AKAP13: variants seen among roughly 807,000 people sequenced by gnomAD.
AKAP13 encodes A-kinase anchor protein 13.
Under a neutral mutation model 264.5 loss-of-function variants are expected in AKAP13, and 80 were observed. That is an observed-to-expected ratio of 0.30 (90% CI 0.25 to 0.36). The LOEUF is 0.36. AKAP13 is among the 10% of genes least tolerant of loss of function. The pLI, the probability that AKAP13 is intolerant of heterozygous loss-of-function variation, is 1.00. For synonymous variants in AKAP13, 1,380 were observed against 1,250.2 expected (o/e 1.10, Z -2.19); for missense variants, 3,712 against 3,435.2 (o/e 1.08, Z -2.01).
intron 12 of AKAP13, among the ~76,000 whole-genome samples, chr15:85,663,910 C>G (rs1228696535): frequency 6.6e-6 from 1 of 152,188 alleles, no homozygotes; most frequent in Non-Finnish European, 1.5e-5. Flanking sequence ...TACTCTTAGA[C>G]CAGGTTGCTT....
intron 34 of AKAP13, 165 bp downstream of exon 34, chr15:85,740,437 C>G (rs2088867888): frequency 1.4e-6 from 1 of 697,656 alleles, no homozygotes; most frequent in Non-Finnish European, 2.3e-6. Context: ...CAGAATGCAT[C>G]GACCTTCCAG....
At chr15:85,616,356 T>G (rs1364835744) in intron 8 of AKAP13, among the ~76,000 whole-genome samples, 1 of 152,220 alleles carries the variant, frequency 6.6e-6, no homozygotes, top group Admixed American at 6.5e-5. Flanking sequence ...AAAATTTAAT[T>G]CATGAACACA....
rs755069564 is a variant in AKAP13 at position 85,543,810 on chromosome 15, C to T, written c.517C>T (p.Arg173Trp). Residue 173 changes from arginine (R) to tryptophan (W), a missense_variant, in exon 5 of 37, where the codon CGG (arginine) becomes TGG (tryptophan). Arg to Trp is a moderately radical substitution (Grantham distance 101, BLOSUM62 -3). This residue lies in a region of AKAP13 where 2,759 missense variants were observed against 2,411.7 expected (regional missense o/e 1.14). Coordinates refer to ENST00000394518, the MANE Select transcript of AKAP13 (RefSeq NM_007200.5). ...PRETLMHFAVRLGLLRLTWFL... is the reference protein window; with the variant it reads ...PRETLMHFAVWLGLLRLTWFL... ...AGAGACATTGATGCATTTTGCTGTG[C>T]GGCTGGGACTGCTGAGGTTGACGTG... 2 of 1,613,238 alleles carry T rather than the reference C, an allele frequency of 1.2e-6. No homozygotes were observed. The highest frequency in any genetic ancestry group is 1.7e-6 in the Non-Finnish European group (2 of 1,179,496).
intron 1 of AKAP13, among the ~76,000 whole-genome samples, chr15:85,381,471 T>G (rs1165792164): frequency 7.0e-6 from 1 of 143,424 alleles, no homozygotes; most frequent in Non-Finnish European, 1.5e-5. Flanking sequence ...AGCTATACTT[T>G]GATACCAAAC....
At chr15:85,604,416 A>G (rs909065149) in intron 8 of AKAP13, among the ~76,000 whole-genome samples, 5 of 151,682 alleles carry the variant, frequency 3.3e-5, no homozygotes, top group African/African-American at 1.2e-4. Flanking sequence ...GAATTTGGAT[A>G]ATTGACTCAG....
chr15:85,741,861 A>G (rs753628278), intron 35 of AKAP13, among the ~76,000 whole-genome samples: 12 of 152,150 alleles, frequency 7.9e-5, no homozygotes, highest in Non-Finnish European at 1.5e-4. Flanking sequence ...CCTGGTCAAC[A>G]TGGCGAAACG....
intron 4 of AKAP13, among the ~76,000 whole-genome samples, chr15:85,542,017 C>A (rs1207121207): frequency 1.3e-5 from 2 of 152,178 alleles, no homozygotes; most frequent in Non-Finnish European, 2.9e-5. Flanking sequence ...AAAGAGACAG[C>A]TGCTTCAAGG....
At chr15:85,445,792 T>C (rs866813087) in intron 1 of AKAP13, among the ~76,000 whole-genome samples, 1 of 152,192 alleles carries the variant, frequency 6.6e-6, no homozygotes, top group African/African-American at 2.4e-5. Context: ...GCACTGTACT[T>C]GATGCTTCTA....
intron 8 of AKAP13, among the ~76,000 whole-genome samples, chr15:85,598,213 G>T (rs1194364113): frequency 6.6e-6 from 1 of 152,128 alleles, no homozygotes; most frequent in East Asian, 1.9e-4. Context: ...GGCTAGAGAA[G>T]AACCAAGGGG....
At chr15:85,644,714 AAAT>A (rs2082473209) in intron 9 of AKAP13, among the ~76,000 whole-genome samples, 2 of 142,476 alleles carry the variant, frequency 1.4e-5, no homozygotes, top group African/African-American at 5.1e-5. Flanking sequence ...AAAAAAAAAA[AAAT>A]TAGCCAGGCA....
At position 85,549,286 on chromosome 15, in the gene AKAP13, G is replaced by A. The variant is rs573627955; in HGVS notation, c.662+5331G>A. Among the ~76,000 whole-genome samples the A allele has an allele frequency of 2.4e-4, 36 of 152,170 alleles. 1 individual carries two copies. Among genetic ancestry groups the A allele is most frequent in the African/African-American group, 8.2e-4 (34 of 41,516 alleles). On this transcript the variant is annotated intron_variant, in intron 5 of 36. Coordinates refer to ENST00000394518, the MANE Select transcript of AKAP13 (RefSeq NM_007200.5). ...ATTAATGGAACAAGGAATTCTAGATGGATAAAAAATCATTTACAGTCCTTC... is the reference window on the plus strand; with the variant it reads ...ATTAATGGAACAAGGAATTCTAGATAGATAAAAAATCATTTACAGTCCTTC...
chr15:85,677,472 G>A (rs2084290638), intron 14 of AKAP13, among the ~76,000 whole-genome samples: 1 of 152,086 alleles, frequency 6.6e-6, no homozygotes, highest in African/African-American at 2.4e-5. Context: ...TCCTTGTTGT[G>A]TTGTTCTGTC....
Position 85,579,654 on chromosome 15 carries a change from A to T in AKAP13, c.1586A>T (p.Asp529Val). ...GTGCACGTCACAAGTAAGCCTGTGG[A>T]TAAAATCAGTGTTCCAAACTGTGCC... ...SDVHVTSKPV[D>V]KISVPNCAPA... The change falls in exon 7 of 37, where the codon GAT becomes GTT. Residue 529 changes from aspartate to valine, a missense_variant. Transcript: ENST00000394518. The T allele has an allele frequency of 6.2e-7, 1 of 1,614,228 alleles. No homozygotes were observed. The highest frequency in any genetic ancestry group is 1.1e-5 in the South Asian group (1 of 91,082).
intron 1 of AKAP13, among the ~76,000 whole-genome samples, chr15:85,394,107 G>A (rs544739419): frequency 4.7e-4 from 72 of 152,270 alleles, no homozygotes; most frequent in Non-Finnish European, 7.9e-4. Flanking sequence ...TAGTTCATGT[G>A]TAAACTATAT....
intron 1 of AKAP13, among the ~76,000 whole-genome samples, chr15:85,420,227 C>A (rs1173445179): frequency 6.6e-6 from 1 of 151,884 alleles, no homozygotes; most frequent in Non-Finnish European, 1.5e-5. Flanking sequence ...AGGCGTGAGC[C>A]ACCGCGCCCG....
Position 85,741,347 on chromosome 15 carries a change from G to A in AKAP13, c.7910G>A (p.Arg2637Gln), listed in dbSNP as rs1402744988. Residue 2637 changes from arginine to glutamine, a missense_variant, in exon 35 of 37, where the codon CGG (arginine) becomes CAG (glutamine). Physicochemically the swap from Arg to Gln is conservative, Grantham distance 43. Transcript: ENST00000394518. Reference sequence around the variant, plus strand: ...GGGCAGCAGGACCTGGAAAAGGAGCGGGAGGAGCTCCAGCAGAAGAAGGGC... The same window carrying A: ...GGGCAGCAGGACCTGGAAAAGGAGCAGGAGGAGCTCCAGCAGAAGAAGGGC... Reference protein sequence around the residue: ...QQGQQDLEKEREELQQKKGTY... With the variant: ...QQGQQDLEKEQEELQQKKGTY... 8.1e-6 allele frequency: 13 copies of A among 1,613,850 alleles called. No homozygotes were observed. The highest frequency in any genetic ancestry group is 4.4e-5 in the South Asian group (4 of 91,044).
intron 1 of AKAP13, among the ~76,000 whole-genome samples, chr15:85,423,467 C>G (rs1387366343): frequency 6.6e-6 from 1 of 152,212 alleles, no homozygotes; most frequent in Non-Finnish European, 1.5e-5. Flanking sequence ...CCTTAAGAAG[C>G]AACCTGCCAT....
chr15:85,693,593 T>A lies in AKAP13; in HGVS notation c.5464+142T>A. On this transcript the variant is annotated intron_variant, in intron 17 of 36. Transcript: ENST00000394518. ...TTTTTATATCTTTCTTTAGACATGA[T>A]AAAAGAAAGAAATTCTAGATGTATA... is the stretch of plus-strand genomic sequence containing the variant. The A allele has an allele frequency of 7.9e-6, 11 of 1,386,444 alleles. No homozygotes were observed. The South Asian group carries it at 1.7e-4, about 21-fold the overall frequency. The allele number at this position is 1,386,444 out of a possible 1,614,324, so 85.9% of individuals were successfully genotyped here. A position where few individuals can be genotyped will look rare whatever the true frequency, so the allele number is the denominator to read the frequency against.
chr15:85,428,464 G>T (rs1311096045), intron 1 of AKAP13, among the ~76,000 whole-genome samples: 1 of 152,250 alleles, frequency 6.6e-6, no homozygotes, highest in Non-Finnish European at 1.5e-5. Flanking sequence ...CTCCCAAAGT[G>T]CTGGGATTAC....
Sources: allele counts gnomAD v4.1 joint callset (sites outside exome capture counted in the v4.1 genomes callset), GRCh38; gene constraint gnomAD v4.1.1; regional missense constraint gnomAD v4.1.1; transcripts MANE v1.5; gene names NCBI Gene and HGNC (gene_info 2026-07-23, HGNC 2026-07-21).